Variants in SEC16B observed in about 807,000 individuals in gnomAD.
SEC16B encodes protein transport protein Sec16B.
In SEC16B, 115 loss-of-function variants were observed where a neutral mutation model predicts 141.8. The observed-to-expected ratio is 0.81, with a 90% CI of 0.70 to 0.95. The LOEUF is 0.95. Among genes scored for constraint, SEC16B ranks in the 40% least tolerant of loss-of-function variants. The probability of loss-of-function intolerance (pLI) is 0.00; values close to 1 mark genes in which losing one functional copy is unlikely to be tolerated. For synonymous variants in SEC16B, 493 were observed against 492.5 expected, an observed-to-expected ratio of 1.00 and a Z score of -0.01; for missense variants, 1,291 against 1,312.3, an observed-to-expected ratio of 0.98 and a Z score of 0.25.
At chr1:177,949,383 AACACACACACACACACACACACAC>A (rs61635250) in intron 12 of SEC16B, among the ~76,000 whole-genome samples, 1 of 136,770 alleles carries the variant, frequency 7.3e-6, no homozygotes, top group Non-Finnish European at 1.6e-5. Context: ...TCCCTTGCTA[AACACACACACACACACACACACAC>A]ACACACACAC....
intron 1 of SEC16B, among the ~76,000 whole-genome samples, chr1:177,977,145 A>G (rs1422112863): frequency 6.6e-6 from 1 of 152,204 alleles, no homozygotes; most frequent in African/African-American, 2.4e-5. Flanking sequence ...GAAACTTTAC[A>G]TGTGCAATGG....
chr1:177,929,786 G>C lies in SEC16B; in HGVS notation c.*72C>G. 7 of 1,527,002 alleles carry C rather than the reference G, an allele frequency of 4.6e-6. No individual in the cohort carries two copies. The highest frequency in any genetic ancestry group is 6.3e-6 in the Non-Finnish European group (7 of 1,112,250). 94.6% of individuals were successfully genotyped at this position (1,527,002 alleles called of 1,614,324 possible). The stretch of plus-strand genomic sequence containing the variant: ...GAGGGTCCCAATATGGTAGAGAGGG[G>C]CTGGGAGATTGAGAAAAAGAGAGCA... On this transcript the variant is annotated 3_prime_UTR_variant, in exon 26 of 26. Transcript: ENST00000308284.
At chr1:177,965,834 C>T (rs1653471855) in intron 3 of SEC16B, 59 bp downstream of exon 3, 1 of 1,080,454 alleles carries the variant, frequency 9.3e-7, no homozygotes, top group East Asian at 2.6e-5. Flanking sequence ...TCTCCCCTGC[C>T]TCTCAGACCA....
intron 5 of SEC16B, among the ~76,000 whole-genome samples, chr1:177,962,667 GC>G (rs752943764): frequency 2.1e-3 from 320 of 151,502 alleles, no homozygotes; most frequent in Middle Eastern, 3.4e-3. Flanking sequence ...GATCACCTGA[GC>G]CCAGGAGTTC....
chr1:177,948,618 A>G, intron 12 of SEC16B: 1 of 1,303,512 alleles, frequency 7.7e-7, no homozygotes, highest in Non-Finnish European at 1.0e-6. Context: ...TTTTCCCCAC[A>G]ATCTCTCCCT....
At chr1:177,983,849 C>A (rs1159016236) in intron 1 of SEC16B, among the ~76,000 whole-genome samples, 2 of 152,232 alleles carry the variant, frequency 1.3e-5, no homozygotes, top group Non-Finnish European at 2.9e-5. Flanking sequence ...TTTCCATAAT[C>A]AAACCTGCCT....
intron 10 of SEC16B, among the ~76,000 whole-genome samples, chr1:177,957,751 C>T (rs1332591051): frequency 1.3e-5 from 2 of 151,978 alleles, no homozygotes; most frequent in African/African-American, 4.8e-5. Flanking sequence ...AATACTAAGT[C>T]TTATTCATTC....
At chr1:177,949,383 AACACACACACACACACACACAC>A (rs61635250) in intron 12 of SEC16B, among the ~76,000 whole-genome samples, 4 of 136,768 alleles carry the variant, frequency 2.9e-5, no homozygotes, top group South Asian at 5.0e-4. Flanking sequence ...TCCCTTGCTA[AACACACACACACACACACACAC>A]ACACACACAC....
chr1:177,984,141 T>C (rs1188416099), intron 1 of SEC16B: 1 of 152,210 alleles, frequency 6.6e-6, no homozygotes, highest in Non-Finnish European at 1.5e-5. Flanking sequence ...CTGTATTCCC[T>C]CTTAGCATTC....
chr1:177,943,734 C>T (rs924354851), intron 15 of SEC16B, among the ~76,000 whole-genome samples: 2 of 152,230 alleles, frequency 1.3e-5, no homozygotes, highest in Non-Finnish European at 2.9e-5. Context: ...CCTGCCATGA[C>T]GTCAACGCCG....
intron 20 of SEC16B, among the ~76,000 whole-genome samples, chr1:177,934,917 G>A (rs766613595): frequency 3.9e-5 from 6 of 152,050 alleles, no homozygotes; most frequent in Admixed American, 2.0e-4. Flanking sequence ...TACCATGGTC[G>A]TGGAGGCCCC....
At chr1:177,941,836 C>A in intron 16 of SEC16B, 64 bp downstream of exon 16, 1 of 1,563,968 alleles carries the variant, frequency 6.4e-7, no homozygotes, top group South Asian at 1.2e-5. Flanking sequence ...CTAAGCTGCT[C>A]TACGATGGCT....
chr1:177,937,714 G>C (rs1650962890), intron 18 of SEC16B, among the ~76,000 whole-genome samples: 1 of 151,974 alleles, frequency 6.6e-6, no homozygotes. Context: ...AATTTTGTTT[G>C]TTTGTTTTTT....
chr1:177,948,038 CAG>C, intron 12 of SEC16B, 96 bp from the exon 13 acceptor site: 1 of 973,810 alleles, frequency 1.0e-6, no homozygotes, highest in Non-Finnish European at 1.6e-6. Context: ...CAGAAGTGGT[CAG>C]AGAATGCCCA....
In SEC16B at chr1:177,952,114, A is replaced by G. The variant is rs767123450; in HGVS notation, c.1464-119T>C. On this transcript the variant is annotated intron_variant, in intron 11 of 25. Transcript: ENST00000308284. ...TTTTGGCAGCTTCCTTAGGAACATG[A>G]GCATCGCTTTGCTTTCTGCTGTGCC... is the stretch of plus-strand genomic sequence containing the variant. 147 of 817,744 alleles carry G rather than the reference A, an allele frequency of 1.8e-4. No individual in the cohort carries two copies. In the Middle Eastern group the frequency reaches 4.2e-3, roughly 24 times the overall value. The allele number at this position is 817,744 out of a possible 1,614,324, so 50.7% of individuals were successfully genotyped here.
intron 1 of SEC16B, among the ~76,000 whole-genome samples, chr1:177,975,804 C>T (rs1344164334): frequency 6.6e-6 from 1 of 152,148 alleles, no homozygotes; most frequent in Non-Finnish European, 1.5e-5. Flanking sequence ...ACTAAGCTAC[C>T]CCCTGGAAAC....
chr1:177,962,241 T>G (rs1653126618), intron 5 of SEC16B, among the ~76,000 whole-genome samples: 1 of 151,908 alleles, frequency 6.6e-6, no homozygotes, highest in Admixed American at 6.6e-5. Context: ...CCAGCTGATT[T>G]TTGTATTTTT....
At position 177,937,277 on chromosome 1, in the gene SEC16B, C is replaced by T. The variant is rs899692123; in HGVS notation, c.2440G>A (p.Ala814Thr). 1.9e-6 allele frequency: 3 copies of T among 1,613,782 alleles called. No individual in the cohort carries two copies. In the African/African-American group the frequency reaches 4.0e-5, roughly 22 times the overall value. Residue 814 changes from alanine to threonine, a missense_variant, in exon 19 of 26, where the codon GCA becomes ACA. Ala to Thr is a moderately conservative substitution (Grantham distance 58). This residue lies in a region of SEC16B where 605 missense variants were observed against 614.1 expected (regional missense o/e 0.99). Coordinates refer to ENST00000308284, the MANE Select transcript of SEC16B (RefSeq NM_033127.4). ...THLPGTGSSV[A>T]VTEATGGTVW... Reference sequence around the variant, plus strand: ...GTTCCTCCAGTGGCCTCTGTCACTGCCACGCTGCTGCCAGTCCCTGGTAGA... The same window carrying T: ...GTTCCTCCAGTGGCCTCTGTCACTGTCACGCTGCTGCCAGTCCCTGGTAGA...
At chr1:177,955,217 C>T (rs1231693870) in intron 10 of SEC16B, among the ~76,000 whole-genome samples, 1 of 151,738 alleles carries the variant, frequency 6.6e-6, no homozygotes, top group African/African-American at 2.4e-5. Context: ...AAATGCAGGC[C>T]CGGTGCGGTG....
Sources: allele counts gnomAD v4.1 joint callset (sites outside exome capture counted in the v4.1 genomes callset), GRCh38; gene constraint gnomAD v4.1.1; regional missense constraint gnomAD v4.1.1; transcripts MANE v1.5; gene names NCBI Gene and HGNC (gene_info 2026-07-23, HGNC 2026-07-21).